Variants in CUL1 observed in about 807,000 individuals in gnomAD.
CUL1 encodes the protein cullin-1.
In CUL1, 24 loss-of-function variants were observed where a neutral mutation model predicts 118.0. That is an observed-to-expected ratio of 0.20 (90% CI 0.15 to 0.29). The LOEUF (loss-of-function observed/expected upper bound fraction) is 0.29. CUL1 is among the 10% of genes least tolerant of loss of function. The probability of loss-of-function intolerance (pLI) is 1.00; values close to 1 mark genes in which losing one functional copy is unlikely to be tolerated. For missense variants in CUL1, 361 were observed against 933.8 expected, an observed-to-expected ratio of 0.39 and a Z score of 7.99; for synonymous variants, 332 against 340.4, an observed-to-expected ratio of 0.98 and a Z score of 0.27.
At chr7:148,699,392 G>A (rs1797638790) in intron 1 of CUL1, among the ~76,000 whole-genome samples, 1 of 152,106 alleles carries the variant, frequency 6.6e-6, no homozygotes, top group Non-Finnish European at 1.5e-5. Flanking sequence ...TTCTCGGAGG[G>A]TGGGCCGACG....
chr7:148,734,148 T>C (rs1798862153), intron 2 of CUL1, among the ~76,000 whole-genome samples: 1 of 152,232 alleles, frequency 6.6e-6, no homozygotes, highest in South Asian at 2.1e-4. Flanking sequence ...AGTTTTAGCC[T>C]TAAGCCATCA....
intron 2 of CUL1, among the ~76,000 whole-genome samples, chr7:148,748,479 T>C (rs189762672): frequency 6.6e-6 from 1 of 152,326 alleles, no homozygotes; most frequent in African/African-American, 2.4e-5. Flanking sequence ...ACCAGGAATA[T>C]AATTTCAAAT....
At chr7:148,758,435 C>A (rs1799729423) in intron 4 of CUL1, among the ~76,000 whole-genome samples, 1 of 152,040 alleles carries the variant, frequency 6.6e-6, no homozygotes, top group Non-Finnish European at 1.5e-5. Flanking sequence ...AGGCAGGAGA[C>A]CAGCCTGGGC....
At chr7:148,790,727 TAGTA>T (rs1308589393) in intron 16 of CUL1, among the ~76,000 whole-genome samples, 1 of 152,196 alleles carries the variant, frequency 6.6e-6, no homozygotes, top group Non-Finnish European at 1.5e-5. Flanking sequence ...ATAATGTATT[TAGTA>T]AGTGTTTGGC....
intron 9 of CUL1, among the ~76,000 whole-genome samples, chr7:148,769,401 A>T (rs1490060291): frequency 3.8e-4 from 23 of 60,294 alleles, no homozygotes; most frequent in Middle Eastern, 0.013. Flanking sequence ...CCTGATTCAC[A>T]CACACACACA....
chr7:148,786,423 T>C, intron 11 of CUL1, 128 bp from the exon 12 acceptor site: 1 of 689,984 alleles, frequency 1.4e-6, no homozygotes, highest in Non-Finnish European at 2.5e-6. Context: ...AAAGTCAACC[T>C]TCCCTCTTCC....
At chr7:148,729,921 C>G in intron 1 of CUL1, 41 bp from the exon 2 acceptor site, 2 of 581,004 alleles carry the variant, frequency 3.4e-6, no homozygotes, top group Non-Finnish European at 5.8e-6. Flanking sequence ...TATTACAGTA[C>G]CCCAGAGACA....
rs1021822069 is a variant in CUL1, at chr7:148,763,935, G to A, written c.790-2626G>A. ...CTGTGTTCACTTTTCTCTATTAGGA[G>A]TGTTTTACAGGAAACATCTAAGAAT... On this transcript the variant is annotated intron_variant, in intron 7 of 21. Coordinates refer to ENST00000325222, the MANE Select transcript of CUL1 (RefSeq NM_003592.3). Among the ~76,000 whole-genome samples the A allele has an allele frequency of 5.9e-5, 9 of 152,166 alleles. No homozygotes were observed. The East Asian group carries it at 1.7e-3, about 29-fold the overall frequency.
At chr7:148,701,708 GT>G (rs1450553261) in intron 1 of CUL1, among the ~76,000 whole-genome samples, 3 of 152,184 alleles carry the variant, frequency 2.0e-5, no homozygotes. Context: ...TCATCAGAAT[GT>G]CATTCCCAGT....
chr7:148,723,686 C>A (rs2129459397), intron 1 of CUL1, among the ~76,000 whole-genome samples: 1 of 149,834 alleles, frequency 6.7e-6, no homozygotes, highest in African/African-American at 2.4e-5. Context: ...AGGTATATTT[C>A]ATTAAGTGAA....
chr7:148,759,707 G>A, intron 6 of CUL1, 69 bp downstream of exon 6: 1 of 727,532 alleles, frequency 1.4e-6, no homozygotes, highest in South Asian at 2.3e-5. Flanking sequence ...TGCTCTAACA[G>A]ATGTCATTTT....
intron 11 of CUL1, among the ~76,000 whole-genome samples, chr7:148,785,348 G>A (rs1191565228): frequency 6.6e-6 from 1 of 151,834 alleles, no homozygotes; most frequent in East Asian, 1.9e-4. Flanking sequence ...CAGTTTGTTT[G>A]ACAGAACACT....
At chr7:148,788,149 C>T (rs1334957360) in intron 13 of CUL1, among the ~76,000 whole-genome samples, 1 of 152,140 alleles carries the variant, frequency 6.6e-6, no homozygotes, top group Non-Finnish European at 1.5e-5. Context: ...TGTGAGGCCC[C>T]ATGCTCAAGA....
chr7:148,754,204 A>G, intron 3 of CUL1, 54 bp downstream of exon 3: 1 of 1,171,466 alleles, frequency 8.5e-7, no homozygotes, highest in Non-Finnish European at 1.2e-6. Context: ...AAAAAAAGTG[A>G]AATAATGGTT....
At chr7:148,796,408 A>G (rs1346275155) in intron 17 of CUL1, among the ~76,000 whole-genome samples, 1 of 152,036 alleles carries the variant, frequency 6.6e-6, no homozygotes, top group Non-Finnish European at 1.5e-5. Context: ...CATAAGGGAT[A>G]TTGCTCCATT....
At chr7:148,792,239 C>A (rs1801040238) in intron 16 of CUL1, among the ~76,000 whole-genome samples, 1 of 151,254 alleles carries the variant, frequency 6.6e-6, no homozygotes, top group Non-Finnish European at 1.5e-5. Context: ...ACTTTACTTA[C>A]TTTTTTCATA....
intron 2 of CUL1, among the ~76,000 whole-genome samples, chr7:148,731,981 G>A (rs1798778466): frequency 6.6e-6 from 1 of 152,210 alleles, no homozygotes; most frequent in African/African-American, 2.4e-5. Flanking sequence ...TAAACATTGT[G>A]TGCGAGTTTT....
At chr7:148,707,335 A>G (rs575405062) in intron 1 of CUL1, among the ~76,000 whole-genome samples, 1 of 152,294 alleles carries the variant, frequency 6.6e-6, no homozygotes. Flanking sequence ...TTTAGTGTCT[A>G]GAAATAATTT....
chr7:148,713,389 G>C (rs1005961371), intron 1 of CUL1, among the ~76,000 whole-genome samples: 1 of 152,164 alleles, frequency 6.6e-6, no homozygotes, highest in Admixed American at 6.5e-5. Flanking sequence ...GTTTTCCGGA[G>C]CAATTTATAC....
Sources: gnomAD v4.1 joint callset for allele counts (sites outside exome capture counted in the v4.1 genomes callset) on GRCh38, gnomAD v4.1.1 for gene constraint, MANE v1.5 for transcripts, NCBI Gene and HGNC (gene_info 2026-07-23, HGNC 2026-07-21) for gene names.